ERC2: variants seen among roughly 807,000 people sequenced by gnomAD.
ERC2 encodes the protein ERC protein 2.
In ERC2, 42 loss-of-function variants were observed where a neutral mutation model predicts 114.8. The ratio of observed to expected loss-of-function variants is 0.37; its 90% CI spans 0.29 to 0.47. ERC2 has a LOEUF of 0.47. ERC2 is among the 20% of genes least tolerant of loss of function. ERC2 has a pLI of 0.99. For synonymous variants in ERC2, 454 were observed against 425.5 expected (o/e 1.07, Z -0.82); for missense variants, 939 against 1,150.7 (o/e 0.82, Z 2.66).
intron 17 of ERC2, among the ~76,000 whole-genome samples, chr3:55,603,091 C>T (rs776088577): frequency 1.3e-5 from 2 of 152,102 alleles, no homozygotes; most frequent in Non-Finnish European, 2.9e-5. Context: ...ATATCTTTAC[C>T]AGGTAAGGAG....
intron 14 of ERC2, among the ~76,000 whole-genome samples, chr3:55,846,733 A>G (rs2061387996): frequency 8.2e-6 from 1 of 121,740 alleles, no homozygotes; most frequent in African/African-American, 3.2e-5. Flanking sequence ...ATTGGTTCTG[A>G]TTTCAGGTTA....
chr3:55,954,827 AG>A (rs1177284245), intron 12 of ERC2, among the ~76,000 whole-genome samples: 1 of 152,042 alleles, frequency 6.6e-6, no homozygotes, highest in African/African-American at 2.4e-5. Flanking sequence ...AGCCTACAAA[AG>A]TGCTTGCACA....
chr3:55,955,334 G>C (rs1341836968), intron 12 of ERC2, among the ~76,000 whole-genome samples: 1 of 151,832 alleles, frequency 6.6e-6, no homozygotes, highest in Admixed American at 6.6e-5. Context: ...AATATTAAGT[G>C]TACAAGTCAA....
At chr3:55,968,503 CTAATTA>C in intron 12 of ERC2, among the ~76,000 whole-genome samples, 1 of 152,270 alleles carries the variant, frequency 6.6e-6, no homozygotes, top group Admixed American at 6.5e-5. Context: ...GCTGCAATGA[CTAATTA>C]TAAGTCTCAG....
intron 13 of ERC2, among the ~76,000 whole-genome samples, chr3:55,945,407 T>A (rs893643886): frequency 2.6e-5 from 4 of 152,174 alleles, no homozygotes; most frequent in Non-Finnish European, 5.9e-5. Context: ...GAAAAAGAAA[T>A]GAATTTAACT....
chr3:55,509,240 T>A lies in ERC2; in HGVS notation c.*2076A>T, dbSNP rs753822192. ...CTAGCTATACATGGGTTGGTTTTTT[T>A]TTTCTGTTTCAAGGACCCTATTTTC... On this transcript the variant is annotated 3_prime_UTR_variant, in exon 18 of 18. Transcript: ENST00000288221. The A allele has an allele frequency of 6.6e-6, 1 of 152,558 alleles. No individual in the cohort carries two copies. The highest frequency in any genetic ancestry group is 1.5e-5 in the Non-Finnish European group (1 of 68,020). The allele number at this position is 152,558 out of a possible 1,614,324, so 9.5% of individuals were successfully genotyped here.
At chr3:55,825,214 G>A (rs1219774567) in intron 14 of ERC2, among the ~76,000 whole-genome samples, 2 of 152,160 alleles carry the variant, frequency 1.3e-5, no homozygotes, top group Non-Finnish European at 2.9e-5. Flanking sequence ...TTCAGATCCA[G>A]GCTGAGGAAG....
At chr3:55,697,233 C>T (rs1050372334) in intron 16 of ERC2, among the ~76,000 whole-genome samples, 1 of 152,192 alleles carries the variant, frequency 6.6e-6, no homozygotes. Context: ...CCAGCCTATT[C>T]ACCCACTTCC....
intron 16 of ERC2, among the ~76,000 whole-genome samples, chr3:55,691,560 AAAAAAAAAAAAAAATATATATATAT>A (rs2062649828): frequency 1.2e-5 from 1 of 84,632 alleles, no homozygotes. Flanking sequence ...AAAAAAAAAA[AAAAAAAAAAAAAAATATATATATAT>A]ATATATATAT....
chr3:56,177,398 A>G (rs1392017958), intron 3 of ERC2, among the ~76,000 whole-genome samples: 1 of 152,224 alleles, frequency 6.6e-6, no homozygotes, highest in Non-Finnish European at 1.5e-5. Flanking sequence ...GGAGCATTTG[A>G]TGTCCTCTCA....
At chr3:56,455,263 A>G (rs2063013239) in intron 1 of ERC2, among the ~76,000 whole-genome samples, 1 of 151,870 alleles carries the variant, frequency 6.6e-6, no homozygotes, top group Non-Finnish European at 1.5e-5. Flanking sequence ...TAAAAAAAAG[A>G]AAAGAAAAAA....
intron 7 of ERC2, among the ~76,000 whole-genome samples, chr3:56,031,262 T>C (rs2074365815): frequency 6.6e-6 from 1 of 152,112 alleles, no homozygotes; most frequent in African/African-American, 2.4e-5. Context: ...CCCAAGCTGA[T>C]CCCCATGGAC....
chr3:56,092,902 TC>T (rs1037732310), intron 6 of ERC2, among the ~76,000 whole-genome samples: 5 of 152,186 alleles, frequency 3.3e-5, no homozygotes. Flanking sequence ...AAAATATTGA[TC>T]CCGCTTAGAT....
intron 14 of ERC2, among the ~76,000 whole-genome samples, chr3:55,841,871 T>C (rs1407146185): frequency 6.6e-6 from 1 of 152,160 alleles, no homozygotes; most frequent in Admixed American, 6.6e-5. Context: ...GAGCCCAACC[T>C]CTTAATTGCT....
rs3052551 is a variant in ERC2, at chr3:56,112,432, G to GAC, written c.1473+27075_1473+27076dup. On this transcript the variant is annotated intron_variant, in intron 6 of 17. Coordinates refer to ENST00000288221, the MANE Select transcript of ERC2 (RefSeq NM_015576.3). ...AACCTTGAGTGAGAAAAGACAGACA[G>GAC]ACACACACACACACACACACACACA... Among the ~76,000 whole-genome samples, 1,374 of 149,248 alleles carry GAC rather than the reference G, an allele frequency of 9.2e-3. 7 individuals carry two copies. Among genetic ancestry groups the GAC allele is most frequent in the Non-Finnish European group, 0.012 (798 of 67,414 alleles).
Position 56,272,647 on chromosome 3 carries a change from G to A in ERC2, c.1074+23372C>T, listed in dbSNP as rs910218794. Among the ~76,000 whole-genome samples, 3 of 152,224 alleles carry A rather than the reference G, an allele frequency of 2.0e-5. 1 individual carries two copies. In the South Asian group the frequency reaches 6.2e-4, roughly 32 times the overall value. ...TAGCCAGGCGGGGTAGTGCATGCCT[G>A]TAATCCCAGCTATTCAGGAGGCTGA... On this transcript the variant is annotated intron_variant, in intron 3 of 17. Coordinates refer to ENST00000288221, the MANE Select transcript of ERC2 (RefSeq NM_015576.3).
In ERC2 at chr3:55,570,814, T is replaced by G. The variant is rs531250890; in HGVS notation, c.*40-59538A>C. 5.3e-5 allele frequency among the ~76,000 whole-genome samples: 8 copies of G among 152,196 alleles called. No homozygotes were observed. The South Asian group carries it at 1.5e-3, about 28-fold the overall frequency. ...GCTCCAATTTTTCATTTTAGTTTAG[T>G]CCATTTTGACCAGCATTAATAATGA... On this transcript the variant is annotated intron_variant, in intron 17 of 17. Transcript: ENST00000288221.
chr3:55,735,007 T>G, intron 14 of ERC2, 89 bp from the exon 15 acceptor site: 1 of 1,327,852 alleles, frequency 7.5e-7, no homozygotes, highest in Non-Finnish European at 1.0e-6. Flanking sequence ...AACCACAGAG[T>G]ATTGTCTCAA....
chr3:55,740,771 T>G (rs1301024689), intron 14 of ERC2, among the ~76,000 whole-genome samples: 1 of 152,176 alleles, frequency 6.6e-6, no homozygotes, highest in Non-Finnish European at 1.5e-5. Flanking sequence ...TTTTTAAAAC[T>G]GAGTTAAAAT....
Sources: allele counts gnomAD v4.1 joint callset (sites outside exome capture counted in the v4.1 genomes callset), GRCh38; gene constraint gnomAD v4.1.1; transcripts MANE v1.5; gene names NCBI Gene and HGNC (gene_info 2026-07-23, HGNC 2026-07-21).